Variants in KCNK5 observed in about 807,000 individuals in gnomAD.
KCNK5 encodes potassium channel subfamily K member 5.
KCNK5 carries 18 observed loss-of-function variants against 32.9 expected under a neutral mutation model. The observed-to-expected ratio is 0.55, with a 90% CI of 0.38 to 0.81. KCNK5 has a LOEUF of 0.81. KCNK5 is among the 30% of genes least tolerant of loss of function. The probability of loss-of-function intolerance (pLI) is 0.00; values close to 1 mark genes in which losing one functional copy is unlikely to be tolerated. For synonymous variants in KCNK5, 276 were observed against 275.3 expected, an observed-to-expected ratio of 1.00 and a Z score of -0.03; for missense variants, 507 against 651.0, an observed-to-expected ratio of 0.78 and a Z score of 2.41.
At chr6:39,215,722 A>T (rs1449892388) in intron 1 of KCNK5, among the ~76,000 whole-genome samples, 1 of 152,238 alleles carries the variant, frequency 6.6e-6, no homozygotes, top group East Asian at 1.9e-4. Flanking sequence ...TGGATGTGAC[A>T]CAGCATGGGT....
rs1173857985 is a variant in KCNK5, at chr6:39,196,000, A to G, written c.187-13T>C. The G allele has an allele frequency of 6.3e-7, 1 of 1,597,936 alleles. No homozygotes were observed. Among genetic ancestry groups the G allele is most frequent in the Middle Eastern group, 1.7e-4 (1 of 6,012 alleles). ...CATCAGATACCACCTAAAATGAGAA[A>G]CAGTAAAGGTCAGAGCTGAGGCCAC... is the stretch of plus-strand genomic sequence containing the variant. On this transcript the variant is annotated splice_polypyrimidine_tract_variant and intron_variant, in intron 1 of 4. Transcript: ENST00000359534.
At chr6:39,215,503 G>T (rs1771415574) in intron 1 of KCNK5, among the ~76,000 whole-genome samples, 2 of 152,284 alleles carry the variant, frequency 1.3e-5, no homozygotes, top group South Asian at 4.1e-4. Flanking sequence ...CCTCCATCCC[G>T]CACTGGGGGC....
rs778274242 is a variant in KCNK5, at chr6:39,191,762, G to A, written c.635-7C>T. ...TTGGCGCTGGGGTTCACACCTGAGC[G>A]GACAGGCAGTCCAGAGGTCAGGAAG... On this transcript the variant is annotated splice_region_variant and splice_polypyrimidine_tract_variant and intron_variant, in intron 4 of 4. Coordinates refer to ENST00000359534, the MANE Select transcript of KCNK5 (RefSeq NM_003740.4). The surrounding 1 kb of genome is among the most constrained non-coding windows in gnomAD (Gnocchi z 5.8). 3.3e-5 allele frequency: 53 copies of A among 1,607,410 alleles called. No homozygotes were observed. Among genetic ancestry groups the A allele is most frequent in the East Asian group, 1.8e-4 (8 of 44,676 alleles).
At chr6:39,215,771 G>A (rs1771422134) in intron 1 of KCNK5, among the ~76,000 whole-genome samples, 2 of 152,222 alleles carry the variant, frequency 1.3e-5, no homozygotes, top group African/African-American at 2.4e-5. Flanking sequence ...ACAGCTAAGA[G>A]GCAATTCTAT....
rs1216864625 is a variant in KCNK5, at chr6:39,200,755, G to GC, written c.187-4769dup. Among the ~76,000 whole-genome samples, 4 of 152,330 alleles carry GC rather than the reference G, an allele frequency of 2.6e-5. No homozygotes were observed. In the East Asian group the frequency reaches 7.7e-4, roughly 29 times the overall value. On this transcript the variant is annotated intron_variant, in intron 1 of 4. Transcript: ENST00000359534. Reference sequence around the variant, plus strand: ...TGCCCAGAGCTTCAGATGTCCAGCTGCCCCAACCCCACCTTCCCAGGTGCT... The same window carrying GC: ...TGCCCAGAGCTTCAGATGTCCAGCTGCCCCCAACCCCACCTTCCCAGGTGCT...
rs113918174 is a variant in KCNK5 at position 39,209,986 on chromosome 6, C to A, written c.187-13999G>T. Among the ~76,000 whole-genome samples, 1,341 of 152,302 alleles carry A rather than the reference C, an allele frequency of 8.8e-3. 26 individuals are homozygous for A. Among genetic ancestry groups the A allele is most frequent in the African/African-American group, 0.03 (1,260 of 41,556 alleles). ...AGGCAAGTTAGAGATGCTCCCGATG[C>A]ATGAACTTGTTTACAAACGTCCAGG... On this transcript the variant is annotated intron_variant, in intron 1 of 4. Transcript: ENST00000359534.
Position 39,191,097 on chromosome 6 carries a change from G to A in KCNK5, c.1293C>T (p.Asp431=), listed in dbSNP as rs144931567. 414 of 1,614,128 alleles carry A rather than the reference G, an allele frequency of 2.6e-4. 4 individuals are homozygous for A. The Middle Eastern group carries it at 9.6e-3, about 37-fold the overall frequency. Residue 431 remains aspartate, a synonymous_variant, in exon 5 of 5, where the codon GAC becomes GAT. Coordinates refer to ENST00000359534, the MANE Select transcript of KCNK5 (RefSeq NM_003740.4). The surrounding 1 kb of genome is among the most constrained non-coding windows in gnomAD (Gnocchi z 5.8). ...TFVNTEAGLS[D]EETSKSSLED... ...CTAGCGAGGACTTGGAGGTCTCCTC[G>A]TCTGAGAGGCCAGCCTCCGTGTTCA...
At chr6:39,202,229 C>A (rs1049361504) in intron 1 of KCNK5, among the ~76,000 whole-genome samples, 23 of 152,184 alleles carry the variant, frequency 1.5e-4, no homozygotes, top group African/African-American at 5.1e-4. Context: ...CTAACTTGTC[C>A]TCTAGTGCCC....
At chr6:39,199,151 A>C (rs72851813) in intron 1 of KCNK5, among the ~76,000 whole-genome samples, 5 of 152,308 alleles carry the variant, frequency 3.3e-5, no homozygotes, top group African/African-American at 4.8e-5. Flanking sequence ...GAGATGCTAA[A>C]TGCCCTGCAA....
chr6:39,227,632 G>A (rs1489971930), intron 1 of KCNK5, among the ~76,000 whole-genome samples: 1 of 152,076 alleles, frequency 6.6e-6, no homozygotes, highest in Admixed American at 6.6e-5. Flanking sequence ...CCCCACACAC[G>A]GCTGCCAGCA....
At chr6:39,226,715 A>C (rs1771677832) in intron 1 of KCNK5, among the ~76,000 whole-genome samples, 1 of 152,194 alleles carries the variant, frequency 6.6e-6, no homozygotes, top group Admixed American at 6.5e-5. Context: ...CCAAGTCACA[A>C]GAAAGCAGAG....
At chr6:39,198,878 A>G (rs1771075488) in intron 1 of KCNK5, among the ~76,000 whole-genome samples, 1 of 152,234 alleles carries the variant, frequency 6.6e-6, no homozygotes, top group Non-Finnish European at 1.5e-5. Context: ...TCAATTTCTG[A>G]TAATGCAAAG....
intron 1 of KCNK5, among the ~76,000 whole-genome samples, chr6:39,215,447 G>T (rs1050327476): frequency 6.6e-6 from 1 of 152,180 alleles, no homozygotes; most frequent in Non-Finnish European, 1.5e-5. Context: ...GGGAAGGTAG[G>T]GGATGGACGT....
chr6:39,201,628 T>C (rs1330060366), intron 1 of KCNK5, among the ~76,000 whole-genome samples: 1 of 152,154 alleles, frequency 6.6e-6, no homozygotes, highest in Admixed American at 6.5e-5. Flanking sequence ...GAAGGGAAAA[T>C]AGAGCTGACC....
Position 39,196,295 on chromosome 6 carries a change from A to G in KCNK5, c.187-308T>C, listed in dbSNP as rs542841400. 1.7e-4 allele frequency among the ~76,000 whole-genome samples: 26 copies of G among 152,300 alleles called. No homozygotes were observed. The South Asian group carries it at 4.8e-3, about 28-fold the overall frequency. On this transcript the variant is annotated intron_variant, in intron 1 of 4. Coordinates refer to ENST00000359534, the MANE Select transcript of KCNK5 (RefSeq NM_003740.4). ...CTTGTTCAACAGACTGCTGGCCCCT[A>G]CTACTCCGAGTTTCTGATTTAGGAG... is the stretch of plus-strand genomic sequence containing the variant.
intron 1 of KCNK5, among the ~76,000 whole-genome samples, chr6:39,221,603 C>A (rs2815117): frequency 6.6e-6 from 1 of 152,180 alleles, no homozygotes; most frequent in Non-Finnish European, 1.5e-5. Context: ...TTCTTCTAAG[C>A]GCAGAAGTAA....
In KCNK5 at chr6:39,194,052, C is replaced by A. The variant is rs1770985875; in HGVS notation, c.634+117G>T. The A allele has an allele frequency of 8.1e-6, 9 of 1,112,198 alleles. No homozygotes were observed. The highest frequency in any genetic ancestry group is 2.0e-5 in the Admixed American group (1 of 50,102). 68.9% of individuals were successfully genotyped at this position (1,112,198 alleles called of 1,614,324 possible). On this transcript the variant is annotated intron_variant, in intron 4 of 4. Transcript: ENST00000359534. This position sits in a 1 kb window ranked among gnomAD's most constrained non-coding sequence, Gnocchi z 4.7. ...ATGGCAGAGTGGGTTGAGAATCCCA[C>A]TGGGTAAGAGAAGTGCCCAGAACAT...
Position 39,190,758 on chromosome 6 carries a change from AG to A in KCNK5, c.*131del. ...AGCTGAGGATGATGGAAGGTTAGGA[AG>A]GCCCCTGGCCCCCCACTCCCAGTTC... is the stretch of plus-strand genomic sequence containing the variant. On this transcript the variant is annotated 3_prime_UTR_variant, in exon 5 of 5. Transcript: ENST00000359534. The A allele has an allele frequency of 1.2e-6, 1 of 836,618 alleles. No homozygotes were observed. The highest frequency in any genetic ancestry group is 1.7e-6 in the Non-Finnish European group (1 of 576,778). The allele number at this position is 836,618 out of a possible 1,614,324, so 51.8% of individuals were successfully genotyped here.
In KCNK5 at chr6:39,194,573, C is replaced by T. The variant is rs202242010; in HGVS notation, c.465+21G>A. The T allele has an allele frequency of 1.3e-5, 21 of 1,612,774 alleles. No homozygotes were observed. The highest frequency in any genetic ancestry group is 1.8e-5 in the Non-Finnish European group (21 of 1,179,058). On this transcript the variant is annotated intron_variant, in intron 3 of 4. Coordinates refer to ENST00000359534, the MANE Select transcript of KCNK5 (RefSeq NM_003740.4). This position sits in a 1 kb window ranked among gnomAD's most constrained non-coding sequence, Gnocchi z 4.7. Reference sequence around the variant, plus strand: ...TCATGGTTCCCCCATCTCTGCCCAACACCCAGGGTAGGGGACATACCAGAC... The same window carrying T: ...TCATGGTTCCCCCATCTCTGCCCAATACCCAGGGTAGGGGACATACCAGAC...
Sources: gnomAD v4.1 joint callset for allele counts (sites outside exome capture counted in the v4.1 genomes callset) on GRCh38, gnomAD v4.1.1 for gene constraint, Gnocchi (gnomAD v3.1) non-coding constraint, MANE v1.5 for transcripts, NCBI Gene and HGNC (gene_info 2026-07-23, HGNC 2026-07-21) for gene names.